The following ARHGAP15 variants were observed in gnomAD, a reference collection of about 807,000 sequenced individuals.
ARHGAP15 encodes Rho GTPase activating protein 15.
In ARHGAP15, 51 loss-of-function variants were observed where a neutral mutation model predicts 63.7. That is an observed-to-expected ratio of 0.80 (90% CI 0.64 to 1.01). The LOEUF (loss-of-function observed/expected upper bound fraction) is 1.01. ARHGAP15 is among the 50% of genes least tolerant of loss of function. The probability of loss-of-function intolerance (pLI) is 0.00; values close to 1 mark genes in which losing one functional copy is unlikely to be tolerated. For missense variants in ARHGAP15, 560 were observed against 564.6 expected (o/e 0.99, Z 0.08); for synonymous variants, 191 against 193.8 (o/e 0.99, Z 0.12).
intron 11 of ARHGAP15, among the ~76,000 whole-genome samples, chr2:143,614,008 C>T (rs2105222893): frequency 6.6e-6 from 1 of 152,278 alleles, no homozygotes; most frequent in East Asian, 1.9e-4. Flanking sequence ...GGAATCTATG[C>T]CTCTAGGGTC....
At chr2:143,477,776 A>T (rs1375855916) in intron 8 of ARHGAP15, among the ~76,000 whole-genome samples, 1 of 152,204 alleles carries the variant, frequency 6.6e-6, no homozygotes, top group Non-Finnish European at 1.5e-5. Context: ...AAGCATATCA[A>T]TGGTTCTTAT....
intron 6 of ARHGAP15, among the ~76,000 whole-genome samples, chr2:143,305,759 A>T (rs1372580085): frequency 6.6e-6 from 1 of 152,124 alleles, no homozygotes; most frequent in Non-Finnish European, 1.5e-5. Context: ...TGGAAAAAAT[A>T]AATCTCTAAA....
chr2:143,318,914 A>G (rs1683861031), intron 6 of ARHGAP15, among the ~76,000 whole-genome samples: 1 of 152,166 alleles, frequency 6.6e-6, no homozygotes, highest in African/African-American at 2.4e-5. Flanking sequence ...ATTGACCAAT[A>G]AGCATTCAAA....
chr2:143,348,584 A>G (rs1457105309), intron 6 of ARHGAP15, among the ~76,000 whole-genome samples: 4 of 152,164 alleles, frequency 2.6e-5, no homozygotes, highest in South Asian at 2.1e-4. Flanking sequence ...CTTCATCTCA[A>G]TTAATGCTTA....
chr2:143,165,262 T>A (rs765080698), intron 2 of ARHGAP15, among the ~76,000 whole-genome samples: 1 of 152,092 alleles, frequency 6.6e-6, no homozygotes, highest in Non-Finnish European at 1.5e-5. Flanking sequence ...AAGAAACCAG[T>A]GCTGTTCTTG....
intron 10 of ARHGAP15, among the ~76,000 whole-genome samples, chr2:143,539,360 T>G (rs1346633622): frequency 6.6e-6 from 1 of 151,482 alleles, no homozygotes; most frequent in Admixed American, 6.6e-5. Context: ...TTTGAAGGGT[T>G]TTTTGTGTCT....
At chr2:143,321,396 C>A (rs1380657023) in intron 6 of ARHGAP15, among the ~76,000 whole-genome samples, 1 of 152,196 alleles carries the variant, frequency 6.6e-6, no homozygotes, top group Admixed American at 6.5e-5. Context: ...TATTTATAAA[C>A]AGTTTTGCTC....
At chr2:143,522,811 C>G (rs923017525) in intron 10 of ARHGAP15, among the ~76,000 whole-genome samples, 1 of 152,080 alleles carries the variant, frequency 6.6e-6, no homozygotes, top group Non-Finnish European at 1.5e-5. Flanking sequence ...TAGAGGAAGG[C>G]ATTGTGACAT....
chr2:143,644,302 A>T (rs918884935), intron 12 of ARHGAP15, among the ~76,000 whole-genome samples: 1 of 152,078 alleles, frequency 6.6e-6, no homozygotes, highest in Non-Finnish European at 1.5e-5. Flanking sequence ...TCTCTGTATG[A>T]CATTCCTTCC....
intron 5 of ARHGAP15, among the ~76,000 whole-genome samples, chr2:143,229,943 T>C (rs1693374478): frequency 6.6e-6 from 1 of 152,208 alleles, no homozygotes; most frequent in Non-Finnish European, 1.5e-5. Flanking sequence ...TAAAAATATA[T>C]CTCAGTCCTT....
intron 13 of ARHGAP15, among the ~76,000 whole-genome samples, chr2:143,733,631 G>A (rs1307313672): frequency 2.0e-5 from 3 of 152,134 alleles, no homozygotes; most frequent in Non-Finnish European, 4.4e-5. Flanking sequence ...TTCCCAACTC[G>A]TGTTGTAAGA....
chr2:143,330,763 T>C lies in ARHGAP15; in HGVS notation c.474+80163T>C, dbSNP rs138439667. ...AAATATACACAGGATGAGTTGTAAT[T>C]TTCCATTTCTAAAGTAATATGTTTG... is the stretch of plus-strand genomic sequence containing the variant. On this transcript the variant is annotated intron_variant, in intron 6 of 13. Coordinates refer to ENST00000295095, the MANE Select transcript of ARHGAP15 (RefSeq NM_018460.4). Among the ~76,000 whole-genome samples the C allele has an allele frequency of 1.2e-4, 18 of 152,322 alleles. No individual in the cohort carries two copies. In the East Asian group the frequency reaches 3.5e-3, roughly 29 times the overall value.
chr2:143,720,448 C>T (rs1331990140), intron 13 of ARHGAP15, among the ~76,000 whole-genome samples: 4 of 152,214 alleles, frequency 2.6e-5, no homozygotes, highest in Non-Finnish European at 1.5e-5. Flanking sequence ...GGCCTCACCT[C>T]TCGCAACCGA....
At chr2:143,563,398 T>C (rs1696104203) in intron 11 of ARHGAP15, among the ~76,000 whole-genome samples, 1 of 152,216 alleles carries the variant, frequency 6.6e-6, no homozygotes, top group African/African-American at 2.4e-5. Context: ...AAATAAAACT[T>C]TGGAAACTCT....
intron 6 of ARHGAP15, among the ~76,000 whole-genome samples, chr2:143,398,296 C>T (rs1220574629): frequency 6.6e-6 from 1 of 152,080 alleles, no homozygotes; most frequent in African/African-American, 2.4e-5. Flanking sequence ...ATTTTGTATC[C>T]TCTACCATTG....
At chr2:143,710,313 G>C (rs577738748) in intron 13 of ARHGAP15, among the ~76,000 whole-genome samples, 11 of 152,206 alleles carry the variant, frequency 7.2e-5, no homozygotes, top group Admixed American at 7.2e-4. Flanking sequence ...TTCTCAACTG[G>C]ACTCCCATAG....
intron 11 of ARHGAP15, among the ~76,000 whole-genome samples, chr2:143,599,495 C>T (rs1009639462): frequency 5.9e-5 from 9 of 151,666 alleles, no homozygotes; most frequent in Admixed American, 4.6e-4. Flanking sequence ...ATCAGGAGTT[C>T]GAGACCAGCC....
chr2:143,550,798 A>C (rs919107940), intron 10 of ARHGAP15, among the ~76,000 whole-genome samples: 20 of 152,218 alleles, frequency 1.3e-4, no homozygotes, highest in Admixed American at 1.3e-3. Context: ...TTTAAAAAAT[A>C]GTGGCTATTA....
At chr2:143,244,494 T>C (rs1240892987) in intron 5 of ARHGAP15, among the ~76,000 whole-genome samples, 1 of 152,136 alleles carries the variant, frequency 6.6e-6, no homozygotes, top group Non-Finnish European at 1.5e-5. Flanking sequence ...GAGAGATAAA[T>C]GTATTTCAGA....
Sources: gnomAD v4.1 joint callset for allele counts (sites outside exome capture counted in the v4.1 genomes callset) on GRCh38, gnomAD v4.1.1 for gene constraint, MANE v1.5 for transcripts, NCBI Gene and HGNC (gene_info 2026-07-23, HGNC 2026-07-21) for gene names.